The following DACH1 variants were observed in gnomAD, a reference collection of about 807,000 sequenced individuals.
DACH1 encodes the protein dachshund homolog 1.
A neutral mutation model predicts 54.2 loss-of-function variants in DACH1; 12 were observed. The ratio of observed to expected loss-of-function variants is 0.22; its 90% CI spans 0.14 to 0.36. The LOEUF (loss-of-function observed/expected upper bound fraction) is 0.36, where lower values mean the gene tolerates loss of function less well. DACH1 is among the 10% of genes least tolerant of loss of function. DACH1 has a pLI of 1.00. For synonymous variants in DACH1, 386 were observed against 366.2 expected (o/e 1.05, Z -0.62); for missense variants, 805 against 929.8 (o/e 0.87, Z 1.75).
At chr13:71,654,067 G>A (rs1878873617) in intron 2 of DACH1, among the ~76,000 whole-genome samples, 1 of 152,144 alleles carries the variant, frequency 6.6e-6, no homozygotes. Flanking sequence ...GGAGAATGAT[G>A]TGCAAAGGGA....
chr13:71,468,740 T>C (rs1876810884), intron 10 of DACH1, among the ~76,000 whole-genome samples: 1 of 152,230 alleles, frequency 6.6e-6, no homozygotes, highest in Non-Finnish European at 1.5e-5. Flanking sequence ...AAATTTATCA[T>C]AAATTCATTA....
chr13:71,723,053 G>A (rs988426092), intron 1 of DACH1, among the ~76,000 whole-genome samples: 16 of 151,958 alleles, frequency 1.1e-4, no homozygotes, highest in African/African-American at 3.9e-4. Flanking sequence ...GGATTGTTGT[G>A]TCAAAACCAG....
At chr13:71,668,491 T>TCC (rs1879999804) in intron 2 of DACH1, among the ~76,000 whole-genome samples, 1 of 152,110 alleles carries the variant, frequency 6.6e-6, no homozygotes, top group African/African-American at 2.4e-5. Context: ...TAGGATGTAT[T>TCC]CCAGTAAGTT....
At chr13:71,776,120 G>C (rs1485537153) in intron 1 of DACH1, among the ~76,000 whole-genome samples, 2 of 152,080 alleles carry the variant, frequency 1.3e-5, no homozygotes, top group Non-Finnish European at 2.9e-5. Context: ...GCAGTAATTT[G>C]ACCAAACATT....
chr13:71,614,373 G>A (rs1035864667), intron 3 of DACH1, among the ~76,000 whole-genome samples: 5 of 152,006 alleles, frequency 3.3e-5, no homozygotes, highest in African/African-American at 9.7e-5. Flanking sequence ...TGTAGGAATG[G>A]ATAACACAGA....
intron 1 of DACH1, among the ~76,000 whole-genome samples, chr13:71,730,923 G>C (rs1359729846): frequency 6.6e-6 from 1 of 151,582 alleles, no homozygotes; most frequent in Non-Finnish European, 1.5e-5. Flanking sequence ...GTCCTTTTGA[G>C]ACTCTTAAGG....
intron 3 of DACH1, among the ~76,000 whole-genome samples, chr13:71,590,594 C>T (rs754945362): frequency 6.6e-6 from 1 of 150,502 alleles, no homozygotes; most frequent in Non-Finnish European, 1.5e-5. Flanking sequence ...GACTAGAAAG[C>T]CTTACACAGA....
chr13:71,832,483 A>G (rs1470545971), intron 1 of DACH1, among the ~76,000 whole-genome samples: 1 of 151,932 alleles, frequency 6.6e-6, no homozygotes, highest in Non-Finnish European at 1.5e-5. Context: ...AACTAAGAAA[A>G]TGTTTTAATA....
Position 71,562,252 on chromosome 13 carries a change from TGCAAATAGCAAAACTG to T in DACH1, c.1300-2313_1300-2298del, listed in dbSNP as rs1884631887. Among the ~76,000 whole-genome samples, 4 of 152,278 alleles carry T rather than the reference TGCAAATAGCAAAACTG, an allele frequency of 2.6e-5. No individual in the cohort carries two copies. The South Asian group carries it at 6.2e-4, about 24-fold the overall frequency. On this transcript the variant is annotated intron_variant, in intron 4 of 10. Coordinates refer to ENST00000613252, the MANE Select transcript of DACH1 (RefSeq NM_080759.6). ...GTTAACAATTAAGTGTTTTATTTTA[TGCAAATAGCAAAACTG>T]ATATGTAGGTAAATGTAAGCAACAC...
chr13:71,666,632 GA>G (rs1037974882), intron 2 of DACH1, among the ~76,000 whole-genome samples: 1 of 151,818 alleles, frequency 6.6e-6, no homozygotes, highest in Non-Finnish European at 1.5e-5. Flanking sequence ...TATGTCCAGA[GA>G]ATAAAGAACC....
chr13:71,783,964 T>TA lies in DACH1; in HGVS notation c.848+81957dup, dbSNP rs35579396. ...GATGAAATACATATTCTCCAAGGTT[T>TA]AAAAAAAAAAAAAAAACAAAAAAAA... On this transcript the variant is annotated intron_variant, in intron 1 of 10. Transcript: ENST00000613252. Among the ~76,000 whole-genome samples the TA allele has an allele frequency of 6.8e-3, 784 of 115,968 alleles. 9 individuals are homozygous for TA. Among genetic ancestry groups the TA allele is most frequent in the African/African-American group, 0.019 (561 of 30,166 alleles). The allele number at this position is 115,968 out of a possible 152,430, so 76.1% of individuals were successfully genotyped here. A position where few individuals can be genotyped will look rare whatever the true frequency, so the allele number is the denominator to read the frequency against.
chr13:71,828,091 T>C (rs1240771689), intron 1 of DACH1, among the ~76,000 whole-genome samples: 2 of 152,002 alleles, frequency 1.3e-5, no homozygotes, highest in Non-Finnish European at 2.9e-5. Flanking sequence ...CACAAATTGA[T>C]TGCCTTTAAT....
In DACH1 at chr13:71,624,725, C is replaced by T. The variant is rs995562320; in HGVS notation, c.1126+5831G>A. Among the ~76,000 whole-genome samples the T allele has an allele frequency of 3.3e-5, 5 of 151,884 alleles. No individual in the cohort carries two copies. The East Asian group carries it at 9.6e-4, about 29-fold the overall frequency. On this transcript the variant is annotated intron_variant, in intron 3 of 10. Coordinates refer to ENST00000613252, the MANE Select transcript of DACH1 (RefSeq NM_080759.6). Reference sequence around the variant, plus strand: ...CATTTTTAGAGCAAGCTTGCTTTGGCTTTTTCACCCTCCGATTTGGAATCT... The same window carrying T: ...CATTTTTAGAGCAAGCTTGCTTTGGTTTTTTCACCCTCCGATTTGGAATCT...
chr13:71,700,565 C>CAA (rs1211164206), intron 1 of DACH1, among the ~76,000 whole-genome samples: 625 of 58,652 alleles, frequency 0.011, 17 homozygotes, highest in African/African-American at 0.047. Flanking sequence ...GACTCCATCT[C>CAA]AAAAAAAAAA....
intron 7 of DACH1, among the ~76,000 whole-genome samples, chr13:71,488,604 A>C (rs571477439): frequency 8.3e-4 from 127 of 152,116 alleles, no homozygotes; most frequent in African/African-American, 3.0e-3. Flanking sequence ...TTTCCTCACT[A>C]GAAGTCCAGC....
chr13:71,849,258 C>G (rs1466698639), intron 1 of DACH1, among the ~76,000 whole-genome samples: 1 of 152,124 alleles, frequency 6.6e-6, no homozygotes, highest in Non-Finnish European at 1.5e-5. Context: ...GAAAATACTT[C>G]CATTGACAGT....
chr13:71,701,044 T>G (rs922821014), intron 1 of DACH1, among the ~76,000 whole-genome samples: 3 of 152,180 alleles, frequency 2.0e-5, no homozygotes, highest in Admixed American at 1.3e-4. Flanking sequence ...CTAATAAAAT[T>G]TTATCAATCC....
chr13:71,621,979 C>T (rs576234158), intron 3 of DACH1, among the ~76,000 whole-genome samples: 1 of 152,000 alleles, frequency 6.6e-6, no homozygotes, highest in African/African-American at 2.4e-5. Context: ...TTAAATCCTC[C>T]GTTCTTTCCT....
chr13:71,753,613 A>G (rs1417173521), intron 1 of DACH1, among the ~76,000 whole-genome samples: 1 of 152,180 alleles, frequency 6.6e-6, no homozygotes, highest in Non-Finnish European at 1.5e-5. Flanking sequence ...TGTTCCAGTA[A>G]TAGTATGAAG....
Sources: allele counts gnomAD v4.1 joint callset (sites outside exome capture counted in the v4.1 genomes callset), GRCh38; gene constraint gnomAD v4.1.1; transcripts MANE v1.5; gene names NCBI Gene and HGNC (gene_info 2026-07-23, HGNC 2026-07-21).